The following PREX1 variants were observed in gnomAD, a reference collection of about 807,000 sequenced individuals.
The protein encoded by PREX1 is phosphatidylinositol-3,4,5-trisphosphate dependent Rac exchange factor 1.
PREX1 carries 41 observed loss-of-function variants against 198.3 expected under a neutral mutation model. The ratio of observed to expected loss-of-function variants is 0.21; its 90% confidence interval spans 0.16 to 0.27. The LOEUF (loss-of-function observed/expected upper bound fraction) is 0.27. Ranked by LOEUF, PREX1 falls within the 10% of genes least tolerant of loss-of-function variation. The probability of loss-of-function intolerance (pLI) is 1.00; values close to 1 mark genes in which losing one functional copy is unlikely to be tolerated. For synonymous variants in PREX1, 843 were observed against 887.2 expected, an observed-to-expected ratio of 0.95 and a Z score of 0.89; for missense variants, 1,620 against 2,200.7, an observed-to-expected ratio of 0.74 and a Z score of 5.28.
the PREX1 span, among the ~76,000 whole-genome samples, chr20:48,868,991 C>T: frequency 6.6e-6 from 1 of 151,544 alleles, no homozygotes; most frequent in Non-Finnish European, 1.5e-5. Context: ...ATCCTCTCAC[C>T]TCAGCCTCCC....
At chr20:48,761,238 T>C (rs1465883559) in intron 1 of PREX1, among the ~76,000 whole-genome samples, 1 of 152,178 alleles carries the variant, frequency 6.6e-6, no homozygotes, top group Non-Finnish European at 1.5e-5. Context: ...ATCGAAAACG[T>C]CTATCCCTGC....
In PREX1 at chr20:48,636,640, G is replaced by A. The variant is rs765157057; in HGVS notation, c.3990C>T (p.Ala1330=). The change falls in exon 32 of 40, where the codon GCC becomes GCT. Residue 1330 remains alanine, a synonymous_variant. Coordinates refer to ENST00000371941, the MANE Select transcript of PREX1 (RefSeq NM_020820.4). ...AGAAGGTGCACACGGCGGCCACCAG[G>A]GCCTGGCAGAAGATCGCGTCTCTGC... ...QLRRDAIFCQ[A]LVAAVCTFSK... The A allele has an allele frequency of 4.3e-6, 7 of 1,611,094 alleles. No homozygotes were observed. The highest frequency in any genetic ancestry group is 5.9e-6 in the Non-Finnish European group (7 of 1,179,340).
chr20:48,828,245 GC>G (rs1265669935), upstream of PREX1, among the ~76,000 whole-genome samples: 1 of 151,514 alleles, frequency 6.6e-6, no homozygotes, highest in Non-Finnish European at 1.5e-5. Context: ...CTCCGGAAGG[GC>G]CCCGCGGAGC....
In PREX1 at chr20:48,700,821, C is replaced by T. The variant is rs779401203; in HGVS notation, c.849G>A (p.Ala283=). The T allele has an allele frequency of 1.9e-5, 31 of 1,613,972 alleles. No individual in the cohort carries two copies. The Admixed American group carries it at 2.2e-4, about 11-fold the overall frequency. ...AGAAGGCCCTTTCCTGGATGTTGCC[C>T]GCAGAGATCTTTAACAAAGTCCCTT... is the stretch of plus-strand genomic sequence containing the variant. ...LLQGTLLKIS[A]GNIQERAFFL... Residue 283 remains alanine (A), a synonymous_variant, in exon 7 of 40, where the codon GCG becomes GCA. Coordinates refer to ENST00000371941, the MANE Select transcript of PREX1 (RefSeq NM_020820.4).
chr20:48,713,813 A>G (rs2089947577), intron 5 of PREX1, among the ~76,000 whole-genome samples: 1 of 151,606 alleles, frequency 6.6e-6, no homozygotes, highest in African/African-American at 2.4e-5. Flanking sequence ...ACATGTAGAC[A>G]TATGTAACAA....
intron 4 of PREX1, among the ~76,000 whole-genome samples, chr20:48,731,312 C>T (rs1040679302): frequency 6.6e-6 from 1 of 152,204 alleles, no homozygotes; most frequent in Non-Finnish European, 1.5e-5. Flanking sequence ...TCTAAAACAG[C>T]ATCCACCATC....
At chr20:48,813,517 A>T (rs115652198) in intron 1 of PREX1, among the ~76,000 whole-genome samples, 356 of 152,260 alleles carry the variant, frequency 2.3e-3, no homozygotes, top group African/African-American at 8.3e-3. Flanking sequence ...GACTTGCCTG[A>T]TTTTGTTGTT....
chr20:48,634,697 G>A lies in PREX1; in HGVS notation c.4246C>T (p.Leu1416=). Residue 1416 remains leucine (L), a synonymous_variant, in exon 33 of 40, where the codon CTG becomes TTG. Coordinates refer to ENST00000371941, the MANE Select transcript of PREX1 (RefSeq NM_020820.4). ...LDNVTFSFKQ[L]DENYVANTNV... The stretch of plus-strand genomic sequence containing the variant: ...TCACTGGCCACATAGTTCTCGTCCA[G>A]CTGCTTAAAGGAGAAGGTGACATTG... 6.2e-7 allele frequency: 1 copy of A among 1,614,170 alleles called. No individual in the cohort carries two copies. The highest frequency in any genetic ancestry group is 8.5e-7 in the Non-Finnish European group (1 of 1,180,004).
At chr20:48,850,782 C>T in the PREX1 span, among the ~76,000 whole-genome samples, 5 of 152,208 alleles carry the variant, frequency 3.3e-5, no homozygotes, top group East Asian at 7.7e-4. Flanking sequence ...CCGCCATCTC[C>T]GTGCCTCTGC....
At chr20:48,651,331 T>G in intron 22 of PREX1, 65 bp downstream of exon 22, 1 of 1,523,816 alleles carries the variant, frequency 6.6e-7, no homozygotes, top group Non-Finnish European at 8.8e-7. Flanking sequence ...TCTCCCAACC[T>G]TTGATAAGAG....
At chr20:48,820,028 C>T (rs1276110233) in intron 1 of PREX1, among the ~76,000 whole-genome samples, 6 of 152,202 alleles carry the variant, frequency 3.9e-5, no homozygotes, top group Non-Finnish European at 7.3e-5. Flanking sequence ...GCCCCAGTCC[C>T]GCCAGCCTGA....
chr20:48,666,282 C>T lies in PREX1; in HGVS notation c.1738+1G>A. 6.4e-7 allele frequency: 1 copy of T among 1,562,684 alleles called. No individual in the cohort carries two copies. The highest frequency in any genetic ancestry group is 8.7e-7 in the Non-Finnish European group (1 of 1,154,022). ...GCTGGGCTGCAGGTGGGGGTGGTTA[C>T]CGTGGTGCATGAAGCCATTGTTGCA... On this transcript the variant is annotated splice_donor_variant, in intron 15 of 39. Transcript: ENST00000371941. LOFTEE classifies it high-confidence loss of function. The surrounding 1 kb of genome is among the most constrained non-coding windows in gnomAD (Gnocchi z 4.3).
chr20:48,738,757 G>A (rs187394738), intron 3 of PREX1, among the ~76,000 whole-genome samples: 34 of 152,264 alleles, frequency 2.2e-4, no homozygotes, highest in East Asian at 1.9e-4. Context: ...CTCAAGGATT[G>A]TGAGAGGTGG....
chr20:48,685,086 TTCTA>T (rs1323590707), intron 10 of PREX1, among the ~76,000 whole-genome samples: 1 of 152,210 alleles, frequency 6.6e-6, no homozygotes, highest in Non-Finnish European at 1.5e-5. Context: ...ATTCCCTTCT[TTCTA>T]TCTGTCTCCT....
intron 4 of PREX1, among the ~76,000 whole-genome samples, chr20:48,726,847 A>T (rs536908565): frequency 6.6e-6 from 1 of 152,352 alleles, no homozygotes; most frequent in South Asian, 2.1e-4. Flanking sequence ...CCATCACCTG[A>T]GAATGGAAAC....
intron 1 of PREX1, among the ~76,000 whole-genome samples, chr20:48,788,973 C>A (rs905739540): frequency 6.6e-6 from 1 of 152,066 alleles, no homozygotes; most frequent in Admixed American, 6.5e-5. Context: ...AGATGTGGCC[C>A]CTCCACCTGG....
At chr20:48,658,745 G>A (rs1444031530) in intron 16 of PREX1, among the ~76,000 whole-genome samples, 3 of 152,200 alleles carry the variant, frequency 2.0e-5, no homozygotes, top group Non-Finnish European at 4.4e-5. Context: ...TGCAGGGAGT[G>A]TACGTAGTTG....
At chr20:48,792,555 C>G (rs1031181454) in intron 1 of PREX1, among the ~76,000 whole-genome samples, 7 of 152,072 alleles carry the variant, frequency 4.6e-5, no homozygotes, top group Admixed American at 2.6e-4. Context: ...CTCACTCAAT[C>G]GTCCCAAGAA....
At chr20:48,694,152 T>C (rs528000595) in intron 7 of PREX1, among the ~76,000 whole-genome samples, 1 of 152,080 alleles carries the variant, frequency 6.6e-6, no homozygotes, top group Non-Finnish European at 1.5e-5. Flanking sequence ...CCTCAAGTTA[T>C]CCACCCCCCT....
Sources: gnomAD v4.1 joint callset for allele counts (sites outside exome capture counted in the v4.1 genomes callset) on GRCh38, gnomAD v4.1.1 for gene constraint, Gnocchi (gnomAD v3.1) non-coding constraint, MANE v1.5 for transcripts, NCBI Gene and HGNC (gene_info 2026-07-23, HGNC 2026-07-21) for gene names.